The following KIFC3 variants were observed in gnomAD, a reference collection of about 807,000 sequenced individuals.
KIFC3 encodes kinesin family member C3.
Under a neutral mutation model 101.8 loss-of-function variants are expected in KIFC3, and 60 were observed. That is an observed-to-expected ratio of 0.59 (90% confidence interval 0.48 to 0.73). KIFC3 has a LOEUF of 0.73. Ranked by LOEUF, KIFC3 falls within the 30% of genes least tolerant of loss-of-function variation. The probability of loss-of-function intolerance (pLI) is 0.00; values close to 1 mark genes in which losing one functional copy is unlikely to be tolerated. For missense variants in KIFC3, 966 were observed against 1,137.1 expected (o/e 0.85, Z 2.16); for synonymous variants, 476 against 482.7 (o/e 0.99, Z 0.18).
intron 3 of KIFC3, chr16:57,776,588 G>A (rs2052123014): frequency 2.1e-5 from 4 of 193,878 alleles, no homozygotes; most frequent in African/African-American, 2.4e-5. Context: ...AGGATTAAAC[G>A]AGATGATATA....
chr16:57,771,060 C>T, intron 6 of KIFC3, 138 bp downstream of exon 6: 1 of 1,157,650 alleles, frequency 8.6e-7, no homozygotes, highest in South Asian at 1.5e-5. Context: ...AGGGGCAGGA[C>T]CAAGCACAGA....
intron 1 of KIFC3, among the ~76,000 whole-genome samples, chr16:57,827,990 G>C (rs2055493829): frequency 6.6e-6 from 1 of 152,178 alleles, no homozygotes; most frequent in Admixed American, 6.5e-5. Context: ...CTCTTTTCAG[G>C]TGAAGAAACT....
chr16:57,803,102 C>T (rs1312441260), upstream of KIFC3: 17 of 1,389,162 alleles, frequency 1.2e-5, no homozygotes, highest in Admixed American at 3.3e-4. Context: ...CACTTCCTAC[C>T]TCTGCACCCC....
At chr16:57,815,340 T>C in intron 1 of KIFC3, 1 of 800,148 alleles carries the variant, frequency 1.2e-6, no homozygotes, top group South Asian at 2.4e-5. Context: ...TAGCTCCGGG[T>C]TGCTTCTGTT....
At position 57,816,580 on chromosome 16, in the gene KIFC3, G is replaced by A; in HGVS notation, c.109-18298C>T. 3 of 456,746 alleles carry A rather than the reference G, an allele frequency of 6.6e-6. No individual in the cohort carries two copies. The Admixed American group carries it at 7.0e-5, about 11-fold the overall frequency. The allele number at this position is 456,746 out of a possible 1,614,324, so 28.3% of individuals were successfully genotyped here. A position where few individuals can be genotyped will look rare whatever the true frequency, so the allele number is the denominator to read the frequency against. On this transcript the variant is annotated intron_variant, in intron 1 of 2. Coordinates refer to the KIFC3 transcript ENST00000563028. ...TGGCTGCTCTGAGTGGCGGAGGAAT[G>A]TTGTTGCCAGACAGGTTCCTGAGGC...
At chr16:57,817,749 G>A (rs1327673305) in intron 1 of KIFC3, among the ~76,000 whole-genome samples, 1 of 152,186 alleles carries the variant, frequency 6.6e-6, no homozygotes, top group Non-Finnish European at 1.5e-5. Context: ...AGGGTTCCAG[G>A]TGGATATAAA....
chr16:57,833,143 T>G (rs953766463), intron 1 of KIFC3, among the ~76,000 whole-genome samples: 3 of 150,830 alleles, frequency 2.0e-5, no homozygotes, highest in African/African-American at 7.3e-5. Flanking sequence ...GAGGTAGAGG[T>G]TGCAGTGAGC....
intron 18 of KIFC3, 138 bp from the exon 19 acceptor site, chr16:57,759,291 C>G (rs2049517849): frequency 9.5e-7 from 1 of 1,051,336 alleles, no homozygotes. Context: ...GGGCTGGAGC[C>G]CTGGGTCCCG....
chr16:57,765,549 G>A lies in KIFC3; in HGVS notation c.1422C>T (p.Asp474=), dbSNP rs1192762554. The change falls in exon 11 of 20, where the codon GAC becomes GAT. Residue 474 remains aspartate, a synonymous_variant. Transcript: ENST00000445690. ...GCAGCAGGTGGATGATGGAGTCGTC[G>A]TCGGCATCGAAAGTCACAGCATTGG... ...EATNAVTFDA[D]DDSIIHLLHK... The A allele has an allele frequency of 3.1e-6, 5 of 1,603,740 alleles. No homozygotes were observed. The highest frequency in any genetic ancestry group is 1.3e-5 in the African/African-American group (1 of 74,836).
intron 1 of KIFC3, among the ~76,000 whole-genome samples, chr16:57,834,934 A>G (rs1185752173): frequency 6.6e-6 from 1 of 152,242 alleles, no homozygotes; most frequent in Non-Finnish European, 1.5e-5. Flanking sequence ...ACTGCTGCCA[A>G]TAGCTTTTCC....
chr16:57,761,247 T>A (rs1034209518), intron 14 of KIFC3, 76 bp from the exon 15 acceptor site: 1 of 1,595,326 alleles, frequency 6.3e-7, no homozygotes, highest in South Asian at 1.1e-5. Flanking sequence ...CAAGCACCCA[T>A]GAGGAGTGGC....
chr16:57,855,972 A>AAC lies in KIFC3; in HGVS notation c.108+6755_108+6756dup, dbSNP rs1263295898. Reference sequence around the variant, plus strand: ...AAAAAAAAAAAAAACCAAAAACAAAAACAAACTAACAATAACAACAAAAAA... The same window carrying AAC: ...AAAAAAAAAAAAAACCAAAAACAAAAACACAAACTAACAATAACAACAAAAAA... On this transcript the variant is annotated intron_variant, in intron 1 of 2. Coordinates refer to the KIFC3 transcript ENST00000563028. 3.3e-5 allele frequency among the ~76,000 whole-genome samples: 5 copies of AAC among 151,666 alleles called. No homozygotes were observed. In the East Asian group the frequency reaches 7.8e-4, roughly 24 times the overall value.
chr16:57,815,124 G>A (rs1329351788), intron 1 of KIFC3, among the ~76,000 whole-genome samples: 1 of 152,196 alleles, frequency 6.6e-6, no homozygotes, highest in African/African-American at 2.4e-5. Flanking sequence ...GATGCTGGCA[G>A]TCTGTTGTGG....
chr16:57,771,560 C>A lies in KIFC3; in HGVS notation c.508G>T (p.Gly170Cys). The A allele has an allele frequency of 6.2e-7, 1 of 1,613,246 alleles. No individual in the cohort carries two copies. Among genetic ancestry groups the A allele is most frequent in the Admixed American group, 1.7e-5 (1 of 60,004 alleles). Residue 170 changes from glycine (G) to cysteine (C), a missense_variant, in exon 5 of 20, where the codon GGT becomes TGT. Coordinates refer to ENST00000445690, the MANE Select transcript of KIFC3 (RefSeq NM_001130100.2). ...CTGCTCACCTGGCTGTGCTCACAAC[C>A]TGGGCAGGGACCTGCTGGCTTTGTG... Reference protein sequence around the residue: ...LRTKPAGPCPGCEHSQESAQL... With the variant: ...LRTKPAGPCPCCEHSQESAQL...
At chr16:57,847,242 GGAA>G (rs1567339275) in intron 1 of KIFC3, among the ~76,000 whole-genome samples, 3 of 104,330 alleles carry the variant, frequency 2.9e-5, no homozygotes, top group African/African-American at 1.4e-4. Flanking sequence ...AAGGAAGGAA[GGAA>G]GGAAGGAAGG....
chr16:57,760,988 C>G (rs2049779165), intron 15 of KIFC3, 33 bp from the exon 16 acceptor site: 1 of 1,603,758 alleles, frequency 6.2e-7, no homozygotes, highest in East Asian at 2.2e-5. Context: ...ATCAGGCCTG[C>G]CCTGCCCCTT....
chr16:57,788,678 ACTCTGG>A (rs2053578679), intron 3 of KIFC3: 1 of 1,289,334 alleles, frequency 7.8e-7, no homozygotes, highest in Middle Eastern at 2.1e-4. Flanking sequence ...TCGTCCCCTG[ACTCTGG>A]CTCTTGCACC....
intron 3 of KIFC3, among the ~76,000 whole-genome samples, chr16:57,781,567 A>G (rs2052740808): frequency 6.6e-6 from 1 of 152,152 alleles, no homozygotes; most frequent in Non-Finnish European, 1.5e-5. Context: ...ACTATGGGCC[A>G]TTGGCCCAAC....
intron 1 of KIFC3, among the ~76,000 whole-genome samples, chr16:57,861,319 C>A (rs1236941358): frequency 2.0e-5 from 3 of 152,200 alleles, no homozygotes; most frequent in Non-Finnish European, 2.9e-5. Context: ...ACAGTACCAA[C>A]CCCCTGGAAA....
Sources: gnomAD v4.1 joint callset for allele counts (sites outside exome capture counted in the v4.1 genomes callset) on GRCh38, gnomAD v4.1.1 for gene constraint, MANE v1.5 for transcripts, NCBI Gene and HGNC (gene_info 2026-07-23, HGNC 2026-07-21) for gene names.